PACRG: variants seen among roughly 807,000 people sequenced by gnomAD.
PACRG encodes the protein parkin coregulated gene protein.
A neutral mutation model predicts 29.7 loss-of-function variants in PACRG; 29 were observed. The observed-to-expected ratio is 0.98, with a 90% CI of 0.73 to 1.33. The LOEUF (loss-of-function observed/expected upper bound fraction) is 1.33. Ranked by LOEUF, PACRG falls within the 40% of genes most tolerant of loss-of-function variation. The pLI, the probability that PACRG is intolerant of heterozygous loss-of-function variation, is 0.00. For synonymous variants in PACRG, 116 were observed against 118.7 expected, an observed-to-expected ratio of 0.98 and a Z score of 0.15; for missense variants, 279 against 316.2, an observed-to-expected ratio of 0.88 and a Z score of 0.89.
intron 4 of PACRG, among the ~76,000 whole-genome samples, chr6:163,097,398 A>G (rs1471172119): frequency 6.6e-6 from 1 of 152,334 alleles, no homozygotes; most frequent in East Asian, 1.9e-4. Flanking sequence ...GTGGTATATC[A>G]AGAATGGCTT....
intron 4 of PACRG, among the ~76,000 whole-genome samples, chr6:163,262,014 A>G (rs185003295): frequency 6.6e-6 from 1 of 152,278 alleles, no homozygotes; most frequent in Admixed American, 6.5e-5. Context: ...AATATTGTCT[A>G]TTGCTGCTAT....
chr6:162,971,562 T>C lies in PACRG; in HGVS notation c.292-90588T>C, dbSNP rs971221792. 5.3e-5 allele frequency among the ~76,000 whole-genome samples: 8 copies of C among 152,288 alleles called. No individual in the cohort carries two copies. In the South Asian group the frequency reaches 6.2e-4, roughly 12 times the overall value. ...TCCCAGTGCCCTCATCATCGCCTCT[T>C]CTAGGATTACACAGTCACGGAACGT... On this transcript the variant is annotated intron_variant, in intron 2 of 4. Coordinates refer to ENST00000366888, the MANE Select transcript of PACRG (RefSeq NM_001080379.2).
At chr6:162,883,476 C>A (rs772532116) in intron 2 of PACRG, among the ~76,000 whole-genome samples, 12 of 152,120 alleles carry the variant, frequency 7.9e-5, no homozygotes, top group Admixed American at 1.3e-4. Flanking sequence ...TGGCATGGAT[C>A]ATTCAGTCTG....
chr6:163,089,296 C>A lies in PACRG; in HGVS notation c.501C>A (p.Val167=), dbSNP rs777157523. The change falls in exon 4 of 5, where the codon GTC becomes GTA. Residue 167 remains valine, a synonymous_variant. Transcript: ENST00000366888. ...LNLRNRQVIC[V]TLKVLQHLVV... is the part of the protein sequence containing the mutation. The stretch of plus-strand genomic sequence containing the variant: ...TCCGAAACCGACAGGTCATCTGTGT[C>A]ACTCTCAAGGTCCTCCAGCATCTGG... The A allele has an allele frequency of 6.2e-6, 10 of 1,613,974 alleles. No homozygotes were observed. The African/African-American group carries it at 1.3e-4, about 22-fold the overall frequency.
At chr6:163,232,701 A>G (rs1782093199) in intron 4 of PACRG, among the ~76,000 whole-genome samples, 1 of 152,190 alleles carries the variant, frequency 6.6e-6, no homozygotes, top group South Asian at 2.1e-4. Context: ...AGCCCTGTTC[A>G]GGAACAGCAG....
intron 4 of PACRG, among the ~76,000 whole-genome samples, chr6:163,140,460 A>T (rs1327469767): frequency 1.3e-5 from 2 of 152,170 alleles, no homozygotes; most frequent in Admixed American, 1.3e-4. Context: ...TGAAAATAGA[A>T]ATAAAATAAA....
chr6:163,071,400 A>G (rs1812040186), intron 3 of PACRG, among the ~76,000 whole-genome samples: 1 of 152,062 alleles, frequency 6.6e-6, no homozygotes, highest in Non-Finnish European at 1.5e-5. Flanking sequence ...TTTGGAAACT[A>G]TACAAATGCA....
At chr6:162,793,153 A>G (rs1381164534) in intron 1 of PACRG, among the ~76,000 whole-genome samples, 2 of 152,172 alleles carry the variant, frequency 1.3e-5, no homozygotes, top group Non-Finnish European at 2.9e-5. Context: ...CATTTTCAAA[A>G]AATGCTGTGA....
At chr6:163,229,136 G>T (rs1781922646) in intron 4 of PACRG, among the ~76,000 whole-genome samples, 2 of 152,194 alleles carry the variant, frequency 1.3e-5, no homozygotes, top group South Asian at 4.1e-4. Context: ...GAGGCAAGAG[G>T]ATCACTTGAG....
chr6:163,128,515 T>G (rs1390117021), intron 4 of PACRG, among the ~76,000 whole-genome samples: 1 of 152,224 alleles, frequency 6.6e-6, no homozygotes, highest in East Asian at 1.9e-4. Context: ...CTGAGCTTTT[T>G]TAAAAATTGA....
At chr6:163,043,207 G>C (rs1808926460) in intron 2 of PACRG, 1 of 152,146 alleles carries the variant, frequency 6.6e-6, no homozygotes. Flanking sequence ...GAGAGTTTAA[G>C]AAAGAAAATG....
intron 1 of PACRG, among the ~76,000 whole-genome samples, chr6:162,756,738 A>C (rs913817537): frequency 6.6e-6 from 1 of 151,636 alleles, no homozygotes; most frequent in Non-Finnish European, 1.5e-5. Flanking sequence ...CTCTCTTGCT[A>C]TCTTTCTTTG....
intron 4 of PACRG, among the ~76,000 whole-genome samples, chr6:163,309,352 C>T (rs975536132): frequency 6.6e-6 from 1 of 152,238 alleles, no homozygotes; most frequent in Non-Finnish European, 1.5e-5. Context: ...GAGAGTCAGT[C>T]TGCCTGAGTC....
At chr6:163,033,621 G>A (rs772649871) in intron 2 of PACRG, among the ~76,000 whole-genome samples, 8 of 152,108 alleles carry the variant, frequency 5.3e-5, no homozygotes, top group Non-Finnish European at 1.0e-4. Context: ...ATTAATTAAA[G>A]CTCTTTCATT....
At chr6:163,216,692 T>C (rs1781376965) in intron 4 of PACRG, among the ~76,000 whole-genome samples, 1 of 152,152 alleles carries the variant, frequency 6.6e-6, no homozygotes, top group Non-Finnish European at 1.5e-5. Context: ...TATGCACATG[T>C]ACACACAACG....
chr6:163,044,143 C>T (rs1191629654), intron 2 of PACRG, among the ~76,000 whole-genome samples: 1 of 150,326 alleles, frequency 6.7e-6, no homozygotes, highest in Admixed American at 6.6e-5. Flanking sequence ...GGATGTTCAG[C>T]TTGCCTATAA....
At chr6:162,830,462 C>T (rs1258923632) in intron 2 of PACRG, among the ~76,000 whole-genome samples, 2 of 152,224 alleles carry the variant, frequency 1.3e-5, no homozygotes, top group African/African-American at 4.8e-5. Context: ...TGGCCAACTT[C>T]CCCTCTTCAG....
intron 1 of PACRG, among the ~76,000 whole-genome samples, chr6:162,803,469 A>G (rs188353885): frequency 3.5e-4 from 53 of 152,308 alleles, no homozygotes; most frequent in African/African-American, 1.1e-3. Flanking sequence ...TAGAATATTC[A>G]TTGTGCAGCA....
chr6:162,752,218 C>T lies in PACRG; in HGVS notation c.156+23827C>T, dbSNP rs142697881. Reference sequence around the variant, plus strand: ...ACACATACACACACATGCACACACACGCAAAGCAATATTATGCATTTTACT... The same window carrying T: ...ACACATACACACACATGCACACACATGCAAAGCAATATTATGCATTTTACT... On this transcript the variant is annotated intron_variant, in intron 1 of 4. Transcript: ENST00000366888. 3.5e-3 allele frequency among the ~76,000 whole-genome samples: 539 copies of T among 152,198 alleles called. 3 individuals carry two copies. Among genetic ancestry groups the T allele is most frequent in the African/African-American group, 0.012 (502 of 41,526 alleles).
Sources: gnomAD v4.1 joint callset for allele counts (sites outside exome capture counted in the v4.1 genomes callset) on GRCh38, gnomAD v4.1.1 for gene constraint, MANE v1.5 for transcripts, NCBI Gene and HGNC (gene_info 2026-07-23, HGNC 2026-07-21) for gene names.